Variants in NCALD observed in about 807,000 individuals in gnomAD.
NCALD encodes neurocalcin delta.
A neutral mutation model predicts 18.6 loss-of-function variants in NCALD; 10 were observed. The observed-to-expected ratio is 0.54, with a 90% CI of 0.33 to 0.91. NCALD has a LOEUF of 0.91. Ranked by LOEUF, NCALD falls within the 40% of genes least tolerant of loss-of-function variation. The pLI is 0.03. For synonymous variants in NCALD, 88 were observed against 87.4 expected, an observed-to-expected ratio of 1.01 and a Z score of -0.04; for missense variants, 184 against 247.6, an observed-to-expected ratio of 0.74 and a Z score of 1.72.
intron 2 of NCALD, among the ~76,000 whole-genome samples, chr8:101,952,676 C>T (rs922612069): frequency 2.6e-5 from 4 of 152,194 alleles, no homozygotes; most frequent in Non-Finnish European, 2.9e-5. Flanking sequence ...ACCTAACACA[C>T]CCCAGCTAAG....
At chr8:101,750,344 G>A (rs992679359) in intron 1 of NCALD, among the ~76,000 whole-genome samples, 15 of 152,172 alleles carry the variant, frequency 9.9e-5, no homozygotes, top group African/African-American at 2.7e-4. Context: ...GGAAGAGGCC[G>A]CATCTGGGCC....
chr8:101,717,147 T>C (rs1167140631), intron 2 of NCALD, among the ~76,000 whole-genome samples: 1 of 152,252 alleles, frequency 6.6e-6, no homozygotes, highest in Non-Finnish European at 1.5e-5. Context: ...GATTCAGAGC[T>C]ACACAGAATC....
chr8:101,741,977 G>C (rs1254323953), intron 1 of NCALD, among the ~76,000 whole-genome samples: 1 of 137,624 alleles, frequency 7.3e-6, no homozygotes, highest in Non-Finnish European at 1.6e-5. Context: ...AAAAGGGCCG[G>C]GTGCGGTGGC....
intron 2 of NCALD, among the ~76,000 whole-genome samples, chr8:101,918,603 A>G (rs1038301341): frequency 6.6e-5 from 10 of 152,168 alleles, no homozygotes; most frequent in Non-Finnish European, 1.0e-4. Flanking sequence ...GACTCTGTCC[A>G]AAGGCTCCTG....
chr8:101,876,100 G>A (rs935508396), intron 4 of NCALD, among the ~76,000 whole-genome samples: 9 of 152,304 alleles, frequency 5.9e-5, no homozygotes, highest in Admixed American at 2.6e-4. Context: ...AAGAGGTCAA[G>A]CTAGGATGAC....
intron 4 of NCALD, among the ~76,000 whole-genome samples, chr8:101,827,173 T>C (rs974693144): frequency 2.6e-5 from 4 of 152,204 alleles, no homozygotes; most frequent in Non-Finnish European, 4.4e-5. Context: ...ATTCATTGGC[T>C]TATGGCTGCG....
At chr8:101,696,875 T>A (rs1199639706) in intron 2 of NCALD, among the ~76,000 whole-genome samples, 1 of 151,638 alleles carries the variant, frequency 6.6e-6, no homozygotes, top group Non-Finnish European at 1.5e-5. Flanking sequence ...CACTCTAACA[T>A]CACAATTAAA....
intron 3 of NCALD, among the ~76,000 whole-genome samples, chr8:101,900,767 T>C (rs961087042): frequency 1.3e-5 from 2 of 151,996 alleles, no homozygotes; most frequent in African/African-American, 4.8e-5. Flanking sequence ...TGTTTTATGG[T>C]TTATGGTATA....
chr8:101,856,237 T>A (rs374781482), intron 4 of NCALD, among the ~76,000 whole-genome samples: 2 of 152,306 alleles, frequency 1.3e-5, no homozygotes, highest in African/African-American at 2.4e-5. Context: ...AATGGTGTAA[T>A]CTTGACTCAC....
chr8:101,899,128 A>G lies in NCALD; in HGVS notation c.-106-11901T>C, dbSNP rs147014029. On this transcript the variant is annotated intron_variant, in intron 3 of 6. Transcript: ENST00000311028. ...TAAATGTTTCATTAGATATACACAC[A>G]TGTATTCCATGTTTTTGAGATTGTA... 1.3e-3 allele frequency among the ~76,000 whole-genome samples: 193 copies of G among 150,266 alleles called. 1 individual carries two copies. Among genetic ancestry groups the G allele is most frequent in the African/African-American group, 4.7e-3 (187 of 39,968 alleles).
At chr8:101,879,739 G>A (rs1816400386) in intron 4 of NCALD, among the ~76,000 whole-genome samples, 1 of 152,134 alleles carries the variant, frequency 6.6e-6, no homozygotes, top group African/African-American at 2.4e-5. Context: ...TACAATCCCT[G>A]AGCTAGACAC....
chr8:101,771,023 T>C (rs1351085779), intron 1 of NCALD, among the ~76,000 whole-genome samples: 1 of 152,242 alleles, frequency 6.6e-6, no homozygotes, highest in Non-Finnish European at 1.5e-5. Context: ...TTCCTTGCTA[T>C]TGTAGCTGTG....
At chr8:101,954,711 C>T (rs1819556192) in intron 2 of NCALD, among the ~76,000 whole-genome samples, 1 of 152,196 alleles carries the variant, frequency 6.6e-6, no homozygotes, top group African/African-American at 2.4e-5. Flanking sequence ...CCAGTTAGCA[C>T]TCGAGACAAA....
intron 1 of NCALD, among the ~76,000 whole-genome samples, chr8:102,112,493 T>G (rs1825671806): frequency 6.6e-6 from 1 of 151,940 alleles, no homozygotes; most frequent in African/African-American, 2.4e-5. Context: ...AAAAAAAAAA[T>G]TGTTATCAAC....
intron 1 of NCALD, among the ~76,000 whole-genome samples, chr8:102,091,084 C>A (rs556270515): frequency 6.6e-6 from 1 of 152,256 alleles, no homozygotes; most frequent in South Asian, 2.1e-4. Context: ...TTACCCAACT[C>A]ATAGGTATTT....
At chr8:101,805,915 T>G (rs1813084302) in intron 4 of NCALD, among the ~76,000 whole-genome samples, 1 of 152,188 alleles carries the variant, frequency 6.6e-6, no homozygotes, top group East Asian at 1.9e-4. Flanking sequence ...CAGACTTAAA[T>G]AATTTATGCC....
intron 1 of NCALD, among the ~76,000 whole-genome samples, chr8:102,048,551 C>T (rs1311226670): frequency 1.3e-5 from 2 of 152,178 alleles, no homozygotes; most frequent in Non-Finnish European, 2.9e-5. Context: ...TGGCTACGAG[C>T]AGGCTATTTC....
chr8:101,862,987 G>C (rs566375860), intron 4 of NCALD, among the ~76,000 whole-genome samples: 2 of 152,156 alleles, frequency 1.3e-5, no homozygotes, highest in Non-Finnish European at 2.9e-5. Context: ...AGAAGTGAAG[G>C]CCCAAGAAGA....
chr8:102,006,306 TTC>T (rs1324081581), intron 2 of NCALD, among the ~76,000 whole-genome samples: 1 of 152,084 alleles, frequency 6.6e-6, no homozygotes, highest in Non-Finnish European at 1.5e-5. Context: ...TTTTCATTGG[TTC>T]TCTTTTTTTT....
Sources: gnomAD v4.1 joint callset for allele counts (sites outside exome capture counted in the v4.1 genomes callset) on GRCh38, gnomAD v4.1.1 for gene constraint, MANE v1.5 for transcripts, NCBI Gene and HGNC (gene_info 2026-07-23, HGNC 2026-07-21) for gene names.